Variants in ZFPM2 observed in about 807,000 individuals in gnomAD.
ZFPM2 encodes zinc finger protein ZFPM2.
ZFPM2 carries 20 observed loss-of-function variants against 98.6 expected under a neutral mutation model. That is an observed-to-expected ratio of 0.20 (90% CI 0.14 to 0.29). The LOEUF (loss-of-function observed/expected upper bound fraction) is 0.29. Ranked by LOEUF, ZFPM2 falls within the 10% of genes least tolerant of loss-of-function variation. ZFPM2 has a pLI of 1.00. For synonymous variants in ZFPM2, 518 were observed against 502.7 expected (o/e 1.03, Z -0.41); for missense variants, 1,310 against 1,388.6 (o/e 0.94, Z 0.90).
intron 1 of ZFPM2, among the ~76,000 whole-genome samples, chr8:105,335,946 G>A (rs1478186967): frequency 6.6e-6 from 1 of 151,750 alleles, no homozygotes; most frequent in African/African-American, 2.4e-5. Context: ...GAGAAATAGC[G>A]TTGCAAGCTA....
chr8:105,465,340 A>G (rs1286653416), intron 3 of ZFPM2, among the ~76,000 whole-genome samples: 1 of 152,034 alleles, frequency 6.6e-6, no homozygotes, highest in Non-Finnish European at 1.5e-5. Flanking sequence ...CCCAACCACA[A>G]GTGTTTTGGA....
At position 105,801,401 on chromosome 8, in the gene ZFPM2, A is replaced by T. The variant is rs1184923442; in HGVS notation, c.1319A>T (p.Lys440Met). ...GCGAGCTCTGACACAGAGCTGGACA[A>T]GTGTGAGAAAAAGACTCAGCTCTTT... is the stretch of plus-strand genomic sequence containing the variant. ...KDASSDTELD[K>M]CEKKTQLFLT... The change falls in exon 8 of 8, where the codon AAG (lysine) becomes ATG (methionine). Residue 440 changes from lysine to methionine, a missense_variant. Coordinates refer to ENST00000407775, the MANE Select transcript of ZFPM2 (RefSeq NM_012082.4). The T allele has an allele frequency of 1.2e-6, 2 of 1,613,934 alleles. No homozygotes were observed. Among genetic ancestry groups the T allele is most frequent in the South Asian group, 2.2e-5 (2 of 91,080 alleles).
intron 3 of ZFPM2, among the ~76,000 whole-genome samples, chr8:105,488,030 C>A (rs1020775006): frequency 2.6e-5 from 4 of 151,580 alleles, no homozygotes; most frequent in Admixed American, 6.6e-5. Flanking sequence ...TCCCATGTAC[C>A]TCTGCCCCAA....
intron 3 of ZFPM2, among the ~76,000 whole-genome samples, chr8:105,550,051 TG>T (rs1767664803): frequency 6.6e-6 from 1 of 152,272 alleles, no homozygotes; most frequent in South Asian, 2.1e-4. Flanking sequence ...GGGACTTCAT[TG>T]TCTTAAACCA....
chr8:105,655,223 CTTTTTTTTTTTTTT>C (rs34262627), intron 5 of ZFPM2, among the ~76,000 whole-genome samples: 2 of 76,098 alleles, frequency 2.6e-5, no homozygotes, highest in African/African-American at 1.0e-4. Flanking sequence ...TGCATTGAGT[CTTTTTTTTTTTTTT>C]TTTTTTTTTT....
intron 4 of ZFPM2, among the ~76,000 whole-genome samples, chr8:105,564,502 A>G (rs1815204859): frequency 6.6e-6 from 1 of 152,096 alleles, no homozygotes; most frequent in Non-Finnish European, 1.5e-5. Flanking sequence ...TACTGTTACT[A>G]CTGTACATCA....
At chr8:105,488,577 T>C (rs2130421002) in intron 3 of ZFPM2, among the ~76,000 whole-genome samples, 1 of 152,106 alleles carries the variant, frequency 6.6e-6, no homozygotes, top group Middle Eastern at 3.4e-3. Context: ...CTGGCCAATA[T>C]GGTGAAACCC....
At chr8:105,700,846 C>T (rs1302697003) in intron 5 of ZFPM2, among the ~76,000 whole-genome samples, 1 of 152,206 alleles carries the variant, frequency 6.6e-6, no homozygotes, top group African/African-American at 2.4e-5. Flanking sequence ...CAGCCACCGC[C>T]TCCCAAAGCG....
At chr8:105,572,822 C>A (rs547088625) in intron 4 of ZFPM2, among the ~76,000 whole-genome samples, 1 of 152,198 alleles carries the variant, frequency 6.6e-6, no homozygotes, top group South Asian at 2.1e-4. Context: ...CTCATAAAAC[C>A]CCTTGTCCCA....
At position 105,801,821 on chromosome 8, in the gene ZFPM2, A is replaced by AGTT; in HGVS notation, c.1741_1742insTGT (p.Lys580_Ser581insLeu). The AGTT allele has an allele frequency of 1.2e-6, 2 of 1,614,008 alleles. No individual in the cohort carries two copies. Among genetic ancestry groups the AGTT allele is most frequent in the Non-Finnish European group, 1.7e-6 (2 of 1,179,878 alleles). On this transcript the variant is annotated inframe_insertion, in exon 8 of 8. Coordinates refer to ENST00000407775, the MANE Select transcript of ZFPM2 (RefSeq NM_012082.4). ...AGCAGCCGATGGCAGCAGATGGCTA[A>AGTT]GTCCCCAGAGTTCCCTAGTGTGTCA...
At chr8:105,596,731 T>G (rs1320497699) in intron 4 of ZFPM2, among the ~76,000 whole-genome samples, 1 of 149,206 alleles carries the variant, frequency 6.7e-6, no homozygotes, top group African/African-American at 2.5e-5. Flanking sequence ...TAAGGCTGCC[T>G]TTGTCTGCTT....
intron 5 of ZFPM2, among the ~76,000 whole-genome samples, chr8:105,775,823 T>G (rs540749462): frequency 1.3e-5 from 2 of 152,258 alleles, no homozygotes; most frequent in East Asian, 3.9e-4. Flanking sequence ...ACAGGCCTTT[T>G]CCTGTTGAAA....
At chr8:105,389,275 T>G (rs1015128764) in intron 1 of ZFPM2, among the ~76,000 whole-genome samples, 5 of 151,984 alleles carry the variant, frequency 3.3e-5, no homozygotes, top group African/African-American at 9.7e-5. Flanking sequence ...TAGTAGGAGT[T>G]TAACAGTATT....
chr8:105,657,910 A>C (rs1245116324), intron 5 of ZFPM2, among the ~76,000 whole-genome samples: 1 of 152,202 alleles, frequency 6.6e-6, no homozygotes, highest in Non-Finnish European at 1.5e-5. Context: ...AATTCAGCCC[A>C]CAGTGGTTCA....
intron 5 of ZFPM2, among the ~76,000 whole-genome samples, chr8:105,725,112 A>G (rs1334479664): frequency 1.3e-5 from 2 of 151,816 alleles, no homozygotes; most frequent in African/African-American, 2.4e-5. Context: ...CTTTGCAGCT[A>G]TATAACTGAT....
At chr8:105,494,363 C>T (rs1813419876) in intron 3 of ZFPM2, among the ~76,000 whole-genome samples, 1 of 151,496 alleles carries the variant, frequency 6.6e-6, no homozygotes, top group African/African-American at 2.4e-5. Context: ...GTGTCATCCT[C>T]GACTCTTGGG....
intron 5 of ZFPM2, among the ~76,000 whole-genome samples, chr8:105,705,318 A>T (rs1811230483): frequency 6.6e-6 from 1 of 152,196 alleles, no homozygotes; most frequent in South Asian, 2.1e-4. Flanking sequence ...TTTATACTTC[A>T]AAAGAAACTA....
chr8:105,398,619 A>T lies in ZFPM2; in HGVS notation c.41-20525A>T, dbSNP rs534006407. On this transcript the variant is annotated intron_variant, in intron 1 of 7. Coordinates refer to ENST00000407775, the MANE Select transcript of ZFPM2 (RefSeq NM_012082.4). ...TTCTCATAAGGAGCATGCAACCTAG[A>T]TCCCTCACATGCACAGTTCACACTA... Among the ~76,000 whole-genome samples, 303 of 152,136 alleles carry T rather than the reference A, an allele frequency of 2.0e-3. 2 individuals are homozygous for T. Among genetic ancestry groups the T allele is most frequent in the African/African-American group, 7.0e-3 (289 of 41,516 alleles).
intron 5 of ZFPM2, among the ~76,000 whole-genome samples, chr8:105,772,705 G>C (rs1278312154): frequency 1.3e-5 from 2 of 152,140 alleles, no homozygotes; most frequent in Non-Finnish European, 2.9e-5. Flanking sequence ...TAAAATATCT[G>C]TGATGCAGGT....
Sources: allele counts gnomAD v4.1 joint callset (sites outside exome capture counted in the v4.1 genomes callset), GRCh38; gene constraint gnomAD v4.1.1; transcripts MANE v1.5; gene names NCBI Gene and HGNC (gene_info 2026-07-23, HGNC 2026-07-21).